The following CD163 variants were observed in gnomAD, a reference collection of about 807,000 sequenced individuals.
CD163 encodes scavenger receptor cysteine-rich type 1 protein M130.
In CD163, 64 loss-of-function variants were observed where a neutral mutation model predicts 129.2. The observed-to-expected ratio is 0.50, with a 90% CI of 0.41 to 0.61. The LOEUF is 0.61. Among genes scored for constraint, CD163 ranks in the 20% least tolerant of loss-of-function variants. The pLI is 0.00. For missense variants in CD163, 1,061 were observed against 1,377.9 expected (o/e 0.77, Z 3.64); for synonymous variants, 446 against 478.5 (o/e 0.93, Z 0.89).
rs755072172 is a variant in CD163 at position 7,476,594 on chromosome 12, G to C, written c.*31+3266C>G. On this transcript the variant is annotated intron_variant, in intron 16 of 16. Coordinates refer to ENST00000432237, the MANE Select transcript of CD163 (RefSeq NM_203416.4). ...CGTATACAAAAATTAACTCAAGATG[G>C]ATTAAAGACTTAAACATAAGACCTA... Among the ~76,000 whole-genome samples the C allele has an allele frequency of 2.0e-5, 3 of 152,244 alleles. No homozygotes were observed. The East Asian group carries it at 5.8e-4, about 29-fold the overall frequency.
Position 7,482,697 on chromosome 12 carries a change from A to G in CD163, c.3193T>C (p.Phe1065Leu), listed in dbSNP as rs200196793. 4 of 1,614,174 alleles carry G rather than the reference A, an allele frequency of 2.5e-6. No individual in the cohort carries two copies. The highest frequency in any genetic ancestry group is 2.7e-5 in the African/African-American group (2 of 75,052). ...GILGVVLLAI[F>L]VALFFLTKKR... ...TTAGTCAAGAAGAATAATGCGACGA[A>G]AATGGCCAACAGAACAACCCCAAGG... The change falls in exon 14 of 17, where the codon TTC becomes CTC. Residue 1065 changes from phenylalanine (F) to leucine (L), a missense_variant. By Grantham distance (22) the Phe-to-Leu change is conservative. Transcript: ENST00000432237.
chr12:7,501,816 C>A (rs1949494280), intron 2 of CD163, among the ~76,000 whole-genome samples: 1 of 152,102 alleles, frequency 6.6e-6, no homozygotes. Flanking sequence ...TTTTACATTT[C>A]TCCAAAATCC....
chr12:7,490,867 A>G (rs1231804820), intron 6 of CD163, among the ~76,000 whole-genome samples: 1 of 151,996 alleles, frequency 6.6e-6, no homozygotes, highest in East Asian at 1.9e-4. Context: ...TCAGAGTTTA[A>G]AGCAAATAAC....
At chr12:7,476,389 A>T (rs1055382869) in intron 16 of CD163, among the ~76,000 whole-genome samples, 11 of 152,208 alleles carry the variant, frequency 7.2e-5, no homozygotes, top group African/African-American at 2.7e-4. Context: ...CAAAACAGAT[A>T]TATAGACCAA....
At position 7,471,392 on chromosome 12, in the gene CD163, G is replaced by C. The variant is rs772427443; in HGVS notation, c.*37C>G. On this transcript the variant is annotated 3_prime_UTR_variant, in exon 17 of 17. Transcript: ENST00000432237. ...AGGTCTTCATCAAGGTATCTTAAAG[G>C]CTGAACTAAAACCATAAATAGAAAA... 2 of 152,234 alleles carry C rather than the reference G, an allele frequency of 1.3e-5. No homozygotes were observed. The highest frequency in any genetic ancestry group is 4.2e-4 in the South Asian group (2 of 4,818). The allele number at this position is 152,234 out of a possible 1,614,324, so 9.4% of individuals were successfully genotyped here. A position where few individuals can be genotyped will look rare whatever the true frequency, so the allele number is the denominator to read the frequency against.
chr12:7,496,929 A>G lies in CD163; in HGVS notation c.983T>C (p.Ile328Thr). ...CTGGCAAGAAACGCTGTCAAGCCAG[A>G]TGTGTCCAAATCCCTTACTGGCGTT... ...RVNASKGFGH[I>T]WLDSVSCQGH... Residue 328 changes from isoleucine to threonine, a missense_variant, in exon 5 of 17, where the codon ATC (isoleucine) becomes ACC (threonine). By Grantham distance (89) the Ile-to-Thr change is moderately conservative (BLOSUM62 -1). Coordinates refer to ENST00000432237, the MANE Select transcript of CD163 (RefSeq NM_203416.4). The surrounding 1 kb of genome is among the most constrained non-coding windows in gnomAD (Gnocchi z 4.8). The G allele has an allele frequency of 1.2e-6, 2 of 1,614,108 alleles. No individual in the cohort carries two copies. Among genetic ancestry groups the G allele is most frequent in the Non-Finnish European group, 1.7e-6 (2 of 1,179,988 alleles).
chr12:7,482,981 G>A lies in CD163; in HGVS notation c.3112C>T (p.Gln1038Ter), dbSNP rs773156528. ...CTDISVQKTP[Q>*]KATTGRSSRQ... ...CATGATATACCTGTTGTGGCTTTTT[G>A]TGGGGTTTTCTGCACTGAAATATCT... is the stretch of plus-strand genomic sequence containing the variant. The change falls in exon 13 of 17, where the codon CAA becomes TAA. Residue 1038 changes from glutamine (Q) to a stop codon, truncating the protein, a stop_gained. Coordinates refer to ENST00000432237, the MANE Select transcript of CD163 (RefSeq NM_203416.4). LOFTEE classifies it high-confidence loss of function. The A allele has an allele frequency of 2.5e-6, 4 of 1,613,648 alleles. No homozygotes were observed. The highest frequency in any genetic ancestry group is 2.7e-5 in the African/African-American group (2 of 74,900).
intron 16 of CD163, among the ~76,000 whole-genome samples, chr12:7,472,918 C>T (rs1416974167): frequency 5.9e-5 from 9 of 151,848 alleles, no homozygotes; most frequent in Non-Finnish European, 1.3e-4. Flanking sequence ...ATGAGAACTT[C>T]GTGAAGTATA....
intron 16 of CD163, among the ~76,000 whole-genome samples, chr12:7,478,805 A>C (rs990587061): frequency 6.6e-6 from 1 of 151,994 alleles, no homozygotes; most frequent in African/African-American, 2.4e-5. Flanking sequence ...TATAATATGT[A>C]GATGAATTAT....
Position 7,483,600 on chromosome 12 carries a change from G to T in CD163, c.2855C>A (p.Thr952Lys). 1 of 1,613,024 alleles carries T rather than the reference G, an allele frequency of 6.2e-7. No individual in the cohort carries two copies. The highest frequency in any genetic ancestry group is 8.5e-7 in the Non-Finnish European group (1 of 1,179,734). The change falls in exon 12 of 17, where the codon ACA (threonine) becomes AAA (lysine). Residue 952 changes from threonine to lysine, a missense_variant. Transcript: ENST00000432237. Reference sequence around the variant, plus strand: ...CAAGTCCCAAGAGTCATCACACACTGTCCCCCAGGAACCTCCATGCCAGAT... The same window carrying T: ...CAAGTCCCAAGAGTCATCACACACTTTCCCCCAGGAACCTCCATGCCAGAT... The part of the protein sequence containing the change: ...VEIWHGGSWG[T>K]VCDDSWDLDD...
intron 16 of CD163, among the ~76,000 whole-genome samples, chr12:7,476,337 T>C (rs1166588493): frequency 6.6e-6 from 1 of 152,002 alleles, no homozygotes. Flanking sequence ...ACTTCAAACT[T>C]ACTGCAAGTC....
In CD163 at chr12:7,485,271, G is replaced by A. The variant is rs866124363; in HGVS notation, c.2604C>T (p.Gly868=). 1 of 1,614,180 alleles carries A rather than the reference G, an allele frequency of 6.2e-7. No homozygotes were observed. Among genetic ancestry groups the A allele is most frequent in the East Asian group, 2.2e-5 (1 of 44,888 alleles). ...TTVGVVCRQL[G]CADKGKINPA... Reference sequence around the variant, plus strand: ...GGTTGATTTTCCCTTTGTCTGCACAGCCCAGCTGCCTGCACACCACACCCA... The same window carrying A: ...GGTTGATTTTCCCTTTGTCTGCACAACCCAGCTGCCTGCACACCACACCCA... Residue 868 remains glycine (G), a synonymous_variant, in exon 11 of 17, where the codon GGC becomes GGT. Coordinates refer to ENST00000432237, the MANE Select transcript of CD163 (RefSeq NM_203416.4). This position sits in a 1 kb window ranked among gnomAD's most constrained non-coding sequence, Gnocchi z 4.5.
intron 16 of CD163, among the ~76,000 whole-genome samples, chr12:7,472,153 T>C (rs1949014364): frequency 6.6e-6 from 1 of 152,206 alleles, no homozygotes; most frequent in South Asian, 2.1e-4. Flanking sequence ...AACATTCCTG[T>C]CTTCTGGCTC....
At chr12:7,501,084 T>C (rs1224336923) in intron 3 of CD163, 55 bp downstream of exon 3, 8 of 1,500,926 alleles carry the variant, frequency 5.3e-6, no homozygotes, top group Non-Finnish European at 7.4e-6. Context: ...CCCATCTACA[T>C]ATTTTTTTCC....
Position 7,483,391 on chromosome 12 carries a change from C to G in CD163, c.3064G>C (p.Glu1022Gln), listed in dbSNP as rs755454282. 1 of 1,613,858 alleles carries G rather than the reference C, an allele frequency of 6.2e-7. No individual in the cohort carries two copies. Among genetic ancestry groups the G allele is most frequent in the African/African-American group, 1.3e-5 (1 of 75,030 alleles). The change falls in exon 12 of 17, where the codon GAA (glutamate) becomes CAA (glutamine). Residue 1022 changes from glutamate to glutamine, a missense_variant. Coordinates refer to ENST00000432237, the MANE Select transcript of CD163 (RefSeq NM_203416.4). ...CCTGTGCAATTCACTGCAGCGTCTT[C>G]CTTGTGCCCACACTCACTATGGCCC... ...RWGHSECGHK[E>Q]DAAVNCTDIS...
At chr12:7,498,045 C>G (rs1381711771) in intron 4 of CD163, among the ~76,000 whole-genome samples, 1 of 152,022 alleles carries the variant, frequency 6.6e-6, no homozygotes, top group Non-Finnish European at 1.5e-5. Context: ...ATGAGGCTAA[C>G]TATACCCTCT....
chr12:7,487,538 A>G lies in CD163; in HGVS notation c.1871T>C (p.Leu624Pro). 6.2e-7 allele frequency: 1 copy of G among 1,614,148 alleles called. No individual in the cohort carries two copies. The highest frequency in any genetic ancestry group is 8.5e-7 in the Non-Finnish European group (1 of 1,180,014). The change falls in exon 8 of 17, where the codon CTT becomes CCT. Residue 624 changes from leucine to proline, a missense_variant. Coordinates refer to ENST00000432237, the MANE Select transcript of CD163 (RefSeq NM_203416.4). This position sits in a 1 kb window ranked among gnomAD's most constrained non-coding sequence, Gnocchi z 5.1. ...GGTAGAAAGGGCAACTCCACATTTA[A>G]GCTGCTGGCAAAGAACATGGGCATC... ...IEDAHVLCQQ[L>P]KCGVALSTPG... is the part of the protein sequence containing the mutation.
chr12:7,498,782 T>C, intron 4 of CD163, 86 bp downstream of exon 4: 1 of 1,259,706 alleles, frequency 7.9e-7, no homozygotes, highest in Admixed American at 2.2e-5. Context: ...CTTCATTATG[T>C]TCTTAAGAGT....
Position 7,485,375 on chromosome 12 carries a change from C to T in CD163, c.2500G>A (p.Ala834Thr). The T allele has an allele frequency of 6.2e-7, 1 of 1,614,202 alleles. No homozygotes were observed. Among genetic ancestry groups the T allele is most frequent in the Non-Finnish European group, 8.5e-7 (1 of 1,180,008 alleles). ...AAAACTTCCAGACGCCCTGCACAGG[C>T]CTCTCTGCTGGCTTCACTGGTCAGT... ...LRLTSEASRE[A>T]CAGRLEVFYN... The change falls in exon 11 of 17, where the codon GCC (alanine) becomes ACC (threonine). Residue 834 changes from alanine (A) to threonine (T), a missense_variant. Transcript: ENST00000432237. This position sits in a 1 kb window ranked among gnomAD's most constrained non-coding sequence, Gnocchi z 4.5.
Sources: gnomAD v4.1 joint callset for allele counts (sites outside exome capture counted in the v4.1 genomes callset) on GRCh38, gnomAD v4.1.1 for gene constraint, Gnocchi (gnomAD v3.1) non-coding constraint, MANE v1.5 for transcripts, NCBI Gene and HGNC (gene_info 2026-07-23, HGNC 2026-07-21) for gene names.